The following ECT2 variants were observed in gnomAD, a reference collection of about 807,000 sequenced individuals.
The protein encoded by ECT2 is epithelial cell transforming 2.
In ECT2, 61 loss-of-function variants were observed where a neutral mutation model predicts 116.9. The observed-to-expected ratio is 0.52, with a 90% CI of 0.42 to 0.65. ECT2 has a LOEUF of 0.65. Among genes scored for constraint, ECT2 ranks in the 30% least tolerant of loss-of-function variants. ECT2 has a pLI of 0.00. For missense variants in ECT2, 937 were observed against 1,078.7 expected (o/e 0.87, Z 1.84); for synonymous variants, 358 against 346.4 (o/e 1.03, Z -0.37).
chr3:172,818,203 A>G (rs950904276), intron 24 of ECT2: 4 of 154,004 alleles, frequency 2.6e-5, no homozygotes, highest in Admixed American at 2.6e-4. Context: ...CTATTAGTGT[A>G]TTTATACAGG....
chr3:172,768,746 C>T (rs1560269280), intron 12 of ECT2, among the ~76,000 whole-genome samples: 1 of 152,152 alleles, frequency 6.6e-6, no homozygotes, highest in Non-Finnish European at 1.5e-5. Context: ...GTTCCTTAGT[C>T]TTTCTTTGTT....
At chr3:172,759,932 G>A (rs184470654) in intron 6 of ECT2, among the ~76,000 whole-genome samples, 435 of 152,250 alleles carry the variant, frequency 2.9e-3, no homozygotes, top group South Asian at 8.1e-3. Flanking sequence ...ACTTACATTT[G>A]TGTGAAATCT....
intron 22 of ECT2, among the ~76,000 whole-genome samples, chr3:172,814,991 C>G (rs1049509870): frequency 6.6e-6 from 1 of 152,182 alleles, no homozygotes; most frequent in African/African-American, 2.4e-5. Context: ...TCAGCAGTGG[C>G]TGACCTCACA....
intron 18 of ECT2, among the ~76,000 whole-genome samples, chr3:172,790,417 A>T (rs1161303220): frequency 6.6e-6 from 1 of 152,198 alleles, no homozygotes; most frequent in Non-Finnish European, 1.5e-5. Flanking sequence ...AACACACCAC[A>T]TCTCAGCTGA....
At chr3:172,758,704 A>G (rs1717594154) in intron 5 of ECT2, among the ~76,000 whole-genome samples, 2 of 152,214 alleles carry the variant, frequency 1.3e-5, no homozygotes, top group Non-Finnish European at 2.9e-5. Flanking sequence ...CATGTCTGTC[A>G]GAGTGCATTT....
intron 22 of ECT2, among the ~76,000 whole-genome samples, chr3:172,815,138 G>A (rs1226449242): frequency 2.0e-5 from 3 of 152,140 alleles, no homozygotes; most frequent in Non-Finnish European, 4.4e-5. Flanking sequence ...TCTGTTCATT[G>A]TCACCCTACC....
chr3:172,762,318 T>G (rs1407157871), intron 8 of ECT2, 98 bp from the exon 9 acceptor site: 20 of 1,273,084 alleles, frequency 1.6e-5, no homozygotes, highest in Non-Finnish European at 2.0e-5. Flanking sequence ...AGATAGATTA[T>G]GCCAAGACCT....
chr3:172,770,873 A>T (rs534076434), intron 13 of ECT2, among the ~76,000 whole-genome samples: 1 of 152,222 alleles, frequency 6.6e-6, no homozygotes, highest in Non-Finnish European at 1.5e-5. Context: ...AAACATACAC[A>T]ATTATAATTA....
intron 5 of ECT2, among the ~76,000 whole-genome samples, chr3:172,757,735 A>G (rs1482861479): frequency 4.6e-5 from 7 of 152,098 alleles, no homozygotes; most frequent in African/African-American, 1.7e-4. Context: ...CAATACCACA[A>G]TGTCTTAGAG....
At chr3:172,774,102 T>TTG in intron 14 of ECT2, 80 bp downstream of exon 14, 1 of 1,412,794 alleles carries the variant, frequency 7.1e-7, no homozygotes, top group South Asian at 1.3e-5. Flanking sequence ...TACTTCTGGT[T>TTG]AGCTAAATAA....
At position 172,780,588 on chromosome 3, in the gene ECT2, C is replaced by G. The variant is rs528343996; in HGVS notation, c.1549-1575C>G. On this transcript the variant is annotated intron_variant, in intron 14 of 24. Transcript: ENST00000392692. ...AGAGATGTGGTCATGCCAGATTACC[C>G]AGGCCGGCCTCAAACTCTGGTCTCA... 4.7e-3 allele frequency among the ~76,000 whole-genome samples: 710 copies of G among 152,264 alleles called. 4 individuals carry two copies. The highest frequency in any genetic ancestry group is 7.4e-3 in the Admixed American group (113 of 15,286).
chr3:172,761,827 C>G, intron 8 of ECT2, 144 bp downstream of exon 8: 1 of 448,248 alleles, frequency 2.2e-6, no homozygotes, highest in Non-Finnish European at 3.9e-6. Flanking sequence ...CTAGGGAGAA[C>G]AAGTTATAAA....
At position 172,755,388 on chromosome 3, in the gene ECT2, G is replaced by T; in HGVS notation, c.210+14G>T. ...AAAGCCTTAAAGGTACGGAGTTTTA[G>T]GTTTTAGTTTTTTTTGTAATGCAAT... On this transcript the variant is annotated intron_variant, in intron 3 of 24. Transcript: ENST00000392692. The T allele has an allele frequency of 1.3e-6, 2 of 1,587,316 alleles. No homozygotes were observed. The highest frequency in any genetic ancestry group is 2.3e-5 in the South Asian group (2 of 85,812).
chr3:172,815,762 A>G (rs1349268916), intron 23 of ECT2, 51 bp downstream of exon 23: 4 of 1,170,246 alleles, frequency 3.4e-6, no homozygotes, highest in Non-Finnish European at 5.0e-6. Context: ...TATTTTCCAG[A>G]CTATATTCAA....
chr3:172,771,197 T>A (rs1387467047), intron 13 of ECT2: 1 of 152,170 alleles, frequency 6.6e-6, no homozygotes, highest in Non-Finnish European at 1.5e-5. Context: ...GTACTATCAT[T>A]TTCCTTAAAG....
At chr3:172,807,002 C>T (rs536322350) in intron 21 of ECT2, among the ~76,000 whole-genome samples, 3 of 152,266 alleles carry the variant, frequency 2.0e-5, no homozygotes, top group African/African-American at 7.2e-5. Context: ...ACTTAGTTGA[C>T]AAATTCTGGA....
intron 18 of ECT2, among the ~76,000 whole-genome samples, chr3:172,789,230 T>G (rs925453555): frequency 2.7e-5 from 4 of 150,424 alleles, no homozygotes; most frequent in Non-Finnish European, 4.4e-5. Flanking sequence ...GTTTTTTTTT[T>G]TTTTTTGAGA....
At chr3:172,763,623 GTT>G (rs912232811) in intron 11 of ECT2, among the ~76,000 whole-genome samples, 13 of 152,164 alleles carry the variant, frequency 8.5e-5, no homozygotes, top group African/African-American at 3.1e-4. Context: ...AAAAAGATGA[GTT>G]TGATAGTAGA....
At chr3:172,816,562 G>C in intron 23 of ECT2, 129 bp from the exon 24 acceptor site, 2 of 651,994 alleles carry the variant, frequency 3.1e-6, no homozygotes, top group Non-Finnish European at 4.8e-6. Flanking sequence ...TTGTGCCAAA[G>C]AGATTCTAAT....
Sources: allele counts gnomAD v4.1 joint callset (sites outside exome capture counted in the v4.1 genomes callset), GRCh38; gene constraint gnomAD v4.1.1; transcripts MANE v1.5; gene names NCBI Gene and HGNC (gene_info 2026-07-23, HGNC 2026-07-21).